METTL23: variants seen among roughly 807,000 people sequenced by gnomAD.
The protein encoded by METTL23 is methyltransferase 23, arginine, also known as histone-arginine methyltransferase METTL23.
Under a neutral mutation model 21.2 loss-of-function variants are expected in METTL23, and 24 were observed. The observed-to-expected ratio is 1.13, with a 90% CI of 0.82 to 1.59. The LOEUF is 1.59. Among genes scored for constraint, METTL23 ranks in the 40% most tolerant of loss-of-function variants. The probability of loss-of-function intolerance (pLI) is 0.00; values close to 1 mark genes in which losing one functional copy is unlikely to be tolerated. For synonymous variants in METTL23, 97 were observed against 75.2 expected (o/e 1.29, Z -1.50); for missense variants, 276 against 221.4 (o/e 1.25, Z -1.57).
In METTL23 at chr17:76,733,609, G is replaced by A. The variant is rs138247613; in HGVS notation, c.496G>A (p.Asp166Asn). The A allele has an allele frequency of 7.5e-3, 12,097 of 1,613,814 alleles. 49 individuals carry two copies. The highest frequency in any genetic ancestry group is 9.0e-3 in the Non-Finnish European group (10,654 of 1,179,826). ...TGAGTCTTTTGATGCAGACAAAGAAGATATAGCAGAATCTACCCTTCCAGG... is the reference window on the plus strand; with the variant it reads ...TGAGTCTTTTGATGCAGACAAAGAAAATATAGCAGAATCTACCCTTCCAGG... The part of the protein sequence containing the change: ...PLESFDADKE[D>N]IAESTLPGRH... The change falls in exon 5 of 5, where the codon GAT becomes AAT. Residue 166 changes from aspartate to asparagine, a missense_variant. Physicochemically the swap from Asp to Asn is conservative, Grantham distance 23 (BLOSUM62 1). Coordinates refer to ENST00000341249, the MANE Select transcript of METTL23 (RefSeq NM_001080510.5).
chr17:76,726,384 T>C (rs1403268273), upstream of METTL23: 4 of 1,602,982 alleles, frequency 2.5e-6, no homozygotes, highest in East Asian at 2.3e-5. Context: ...GCTCTCGTAG[T>C]AGTTGTGCCG....
upstream of METTL23, chr17:76,726,602 C>T: frequency 7.7e-7 from 1 of 1,293,818 alleles, no homozygotes; most frequent in Non-Finnish European, 1.0e-6. Context: ...AGTCCCGGCG[C>T]CTTTAAAGTC....
intron 2 of METTL23, among the ~76,000 whole-genome samples, chr17:76,731,612 A>G (rs895439233): frequency 2.0e-5 from 3 of 152,214 alleles, no homozygotes; most frequent in Non-Finnish European, 2.9e-5. Context: ...AATGTATCCC[A>G]TTCTCTTTCT....
At position 76,729,717 on chromosome 17, in the gene METTL23, G is replaced by A. The variant is rs1288278892; in HGVS notation, c.7G>A (p.Val3Ile). MYVWPCAVVLAQY... is the reference protein window; with the variant it reads MYIWPCAVVLAQY... Reference sequence around the variant, plus strand: ...CCTGCATCTCCAGTATGGAATGTATGTTTGGCCCTGTGCTGTGGTCCTGGC... The same window carrying A: ...CCTGCATCTCCAGTATGGAATGTATATTTGGCCCTGTGCTGTGGTCCTGGC... The change falls in exon 2 of 5, where the codon GTT (valine) becomes ATT (isoleucine). Residue 3 changes from valine (V) to isoleucine (I), a missense_variant. Transcript: ENST00000341249. The A allele has an allele frequency of 6.3e-7, 1 of 1,595,812 alleles. No individual in the cohort carries two copies. Among genetic ancestry groups the A allele is most frequent in the East Asian group, 2.2e-5 (1 of 44,514 alleles).
At chr17:76,731,061 C>T (rs1297262070) in intron 2 of METTL23, among the ~76,000 whole-genome samples, 3 of 151,586 alleles carry the variant, frequency 2.0e-5, no homozygotes, top group Non-Finnish European at 4.4e-5. Flanking sequence ...GAGCCGAGAT[C>T]GCACCACTGC....
chr17:76,733,047 A>G lies in METTL23; in HGVS notation c.154A>G (p.Ser52Gly), dbSNP rs1429396637. 6.2e-7 allele frequency: 1 copy of G among 1,603,894 alleles called. No homozygotes were observed. The highest frequency in any genetic ancestry group is 2.2e-5 in the East Asian group (1 of 44,690). ...TGGTGCAGAAGTAATACTGTCAGAC[A>G]GCTCAGAACTGCCTCACTGTCTGGA... The part of the protein sequence containing the change: ...KCGAEVILSD[S>G]SELPHCLEVC... Residue 52 changes from serine (S) to glycine (G), a missense_variant, in exon 3 of 5, where the codon AGC becomes GGC. Ser to Gly is a moderately conservative substitution (Grantham distance 56). Transcript: ENST00000341249.
intron 1 of METTL23, among the ~76,000 whole-genome samples, chr17:76,728,334 C>T (rs1467797525): frequency 6.9e-6 from 1 of 144,418 alleles, no homozygotes; most frequent in East Asian, 1.9e-4. Context: ...CCTCTGGGCT[C>T]AAGTGATCCT....
intron 2 of METTL23, among the ~76,000 whole-genome samples, chr17:76,730,398 T>A (rs937192564): frequency 1.3e-5 from 2 of 151,642 alleles, no homozygotes; most frequent in African/African-American, 2.4e-5. Flanking sequence ...AGCCCAGGAG[T>A]TTGATACCAG....
intron 2 of METTL23, among the ~76,000 whole-genome samples, chr17:76,730,039 C>T (rs1373769884): frequency 2.0e-5 from 3 of 152,136 alleles, no homozygotes; most frequent in Admixed American, 2.0e-4. Context: ...CGCCTGTAAT[C>T]CCAGCATTTT....
rs377503939 is a variant in METTL23, at chr17:76,733,133, A to G, written c.240A>G (p.Thr80=). 3.1e-6 allele frequency: 5 copies of G among 1,613,734 alleles called. No homozygotes were observed. The African/African-American group carries it at 4.0e-5, about 13-fold the overall frequency. Residue 80 remains threonine (T), a synonymous_variant, in exon 3 of 5, where the codon ACA becomes ACG. Coordinates refer to ENST00000341249, the MANE Select transcript of METTL23 (RefSeq NM_001080510.5). The part of the protein sequence containing the change: ...NLPHLQVVGL[T]WGHISWDLLA... ...CACATCTGCAGGTGGTAGGACTAACATGGGGTCATATATCTTGGGATCTTC... is the reference window on the plus strand; with the variant it reads ...CACATCTGCAGGTGGTAGGACTAACGTGGGGTCATATATCTTGGGATCTTC...
At chr17:76,732,957 C>G (rs2077291087) in intron 2 of METTL23, 21 bp from the exon 3 acceptor site, 1 of 1,534,662 alleles carries the variant, frequency 6.5e-7, no homozygotes, top group African/African-American at 1.4e-5. Flanking sequence ...TTGTGAAATG[C>G]CATCTTTCAT....
chr17:76,729,844 T>G, intron 2 of METTL23, 50 bp downstream of exon 2: 1 of 1,351,602 alleles, frequency 7.4e-7, no homozygotes, highest in Non-Finnish European at 1.0e-6. Context: ...TTCAGATGTG[T>G]TAAGTTGACA....
At chr17:76,733,472 G>A in intron 4 of METTL23, 49 bp from the exon 5 acceptor site, 1 of 1,599,790 alleles carries the variant, frequency 6.3e-7, no homozygotes, top group South Asian at 1.1e-5. Flanking sequence ...TACATCTGAA[G>A]CAAAACAGAA....
intron 2 of METTL23, among the ~76,000 whole-genome samples, chr17:76,730,717 C>T (rs1387109751): frequency 7.2e-5 from 11 of 152,246 alleles, no homozygotes; most frequent in African/African-American, 2.4e-4. Context: ...CCTGTAATCC[C>T]AGCACTTTGG....
chr17:76,733,664 C>T lies in METTL23; in HGVS notation c.551C>T (p.Ser184Phe), dbSNP rs1598418751. 6.2e-7 allele frequency: 1 copy of T among 1,613,492 alleles called. No homozygotes were observed. Among genetic ancestry groups the T allele is most frequent in the Middle Eastern group, 1.7e-4 (1 of 6,060 alleles). Residue 184 changes from serine (S) to phenylalanine (F), a missense_variant, in exon 5 of 5, where the codon TCC becomes TTC. Coordinates refer to ENST00000341249, the MANE Select transcript of METTL23 (RefSeq NM_001080510.5). Reference protein sequence around the residue: ...GRHTVEMLVISFAKDSL With the variant: ...GRHTVEMLVIFFAKDSL ...CATACAGTTGAAATGCTGGTCATTT[C>T]CTTTGCAAAGGACAGTCTCTGAATT...
In METTL23 at chr17:76,733,212, G is replaced by A. The variant is rs778423082; in HGVS notation, c.319G>A (p.Glu107Lys). The A allele has an allele frequency of 3.2e-5, 51 of 1,613,444 alleles. No homozygotes were observed. The highest frequency in any genetic ancestry group is 8.3e-5 in the Admixed American group (5 of 59,936). Residue 107 changes from glutamate to lysine, a missense_variant, in exon 3 of 5, where the codon GAA becomes AAA. Glu to Lys is a moderately conservative substitution (Grantham distance 56). Transcript: ENST00000341249. ...ILASDVFFEPEDFEDILATIY... is the reference protein window; with the variant it reads ...ILASDVFFEPKDFEDILATIY... ...TGCATCTGATGTGTTCTTTGAACCAGAAGGTAAGCTTTTTTGGCTCAATAG... is the reference window on the plus strand; with the variant it reads ...TGCATCTGATGTGTTCTTTGAACCAAAAGGTAAGCTTTTTTGGCTCAATAG...
In METTL23 at chr17:76,733,752, A is replaced by G. The variant is rs1271785523; in HGVS notation, c.*66A>G. On this transcript the variant is annotated 3_prime_UTR_variant, in exon 5 of 5. Coordinates refer to ENST00000341249, the MANE Select transcript of METTL23 (RefSeq NM_001080510.5). ...TGAGCAACCTGGCACACAAACTATGAGCAGACCACTTCAGCTTGAGAATGC... is the reference window on the plus strand; with the variant it reads ...TGAGCAACCTGGCACACAAACTATGGGCAGACCACTTCAGCTTGAGAATGC... 16 of 1,425,088 alleles carry G rather than the reference A, an allele frequency of 1.1e-5. No homozygotes were observed. The highest frequency in any genetic ancestry group is 1.5e-5 in the Non-Finnish European group (16 of 1,049,188). The allele number at this position is 1,425,088 out of a possible 1,614,324, so 88.3% of individuals were successfully genotyped here.
intron 1 of METTL23, 79 bp from the exon 2 acceptor site, chr17:76,729,611 C>G (rs2077110153): frequency 8.2e-6 from 8 of 975,230 alleles, no homozygotes. Context: ...GATGCCAATG[C>G]CTGACAGAAA....
chr17:76,726,871 T>C lies in METTL23; in HGVS notation c.-329T>C. On this transcript the variant is annotated 5_prime_UTR_variant, in exon 1 of 5. Coordinates refer to ENST00000341249, the MANE Select transcript of METTL23 (RefSeq NM_001080510.5). The stretch of plus-strand genomic sequence containing the variant: ...GTCGCGCCAGCCGCCCGTTGCCAGT[T>C]CTGCGCGTGTGAGTCTCTTTCGCCT... 1 of 442,818 alleles carries C rather than the reference T, an allele frequency of 2.3e-6. No homozygotes were observed. Among genetic ancestry groups the C allele is most frequent in the Non-Finnish European group, 4.7e-6 (1 of 214,922 alleles). 27.4% of individuals were successfully genotyped at this position (442,818 alleles called of 1,614,324 possible). A position where few individuals can be genotyped will look rare whatever the true frequency, so the allele number is the denominator to read the frequency against.
Sources: allele counts gnomAD v4.1 joint callset (sites outside exome capture counted in the v4.1 genomes callset), GRCh38; gene constraint gnomAD v4.1.1; transcripts MANE v1.5; gene names NCBI Gene and HGNC (gene_info 2026-07-23, HGNC 2026-07-21).